LSP1: variants seen among roughly 807,000 people sequenced by gnomAD.
LSP1 encodes the protein lymphocyte-specific protein 1.
A neutral mutation model predicts 49.3 loss-of-function variants in LSP1; 32 were observed. That is an observed-to-expected ratio of 0.65 (90% CI 0.49 to 0.87). The LOEUF (loss-of-function observed/expected upper bound fraction) is 0.87. Ranked by LOEUF, LSP1 falls within the 40% of genes least tolerant of loss-of-function variation. LSP1 has a pLI of 0.00. For synonymous variants in LSP1, 179 were observed against 178.8 expected, an observed-to-expected ratio of 1.00 and a Z score of -0.01; for missense variants, 428 against 442.6, an observed-to-expected ratio of 0.97 and a Z score of 0.30.
intron 1 of LSP1, chr11:1,870,948 G>A: frequency 1.0e-6 from 1 of 985,948 alleles, no homozygotes; most frequent in Non-Finnish European, 1.2e-6. Flanking sequence ...AAAGGCGGGA[G>A]GCGCAGCCGG....
At chr11:1,882,217 C>T (rs1848575965) in intron 3 of LSP1, among the ~76,000 whole-genome samples, 1 of 152,202 alleles carries the variant, frequency 6.6e-6, no homozygotes, top group African/African-American at 2.4e-5. Flanking sequence ...CGCTCTCAGT[C>T]ATCTGTGGCC....
intron 1 of LSP1, among the ~76,000 whole-genome samples, chr11:1,873,948 C>CGGCGGAGGAGGGAGGCT (rs1565079328): frequency 3.8e-5 from 3 of 78,678 alleles, no homozygotes; most frequent in East Asian, 4.3e-4. Context: ...GGAGGGAGGC[C>CGGCGGAGGAGGGAGGCT]GGCAGAGCAG....
intron 10 of LSP1, chr11:1,891,464 C>G (rs1200018127): frequency 6.6e-6 from 1 of 152,254 alleles, no homozygotes; most frequent in Non-Finnish European, 1.5e-5. Flanking sequence ...GACGGGACTG[C>G]AGGAACCACG....
chr11:1,889,404 G>A (rs1162936174), intron 10 of LSP1: 2 of 690,004 alleles, frequency 2.9e-6, no homozygotes, highest in Non-Finnish European at 5.4e-6. Context: ...GGTCCGGGAG[G>A]CGGGGGCCCG....
At chr11:1,886,891 CT>C (rs768011945) in intron 8 of LSP1, 25 bp downstream of exon 8, 142 of 1,603,510 alleles carry the variant, frequency 8.9e-5, no homozygotes, top group Non-Finnish European at 1.2e-4. Context: ...AGGGGCAAGG[CT>C]GGGCTGCAGA....
chr11:1,870,307 G>A, intron 1 of LSP1: 1 of 1,297,170 alleles, frequency 7.7e-7, no homozygotes, highest in Non-Finnish European at 1.0e-6. Context: ...CTCCCATCCT[G>A]GGGCTTGGCA....
intron 1 of LSP1, among the ~76,000 whole-genome samples, chr11:1,862,178 A>AGATG (rs1026158079): frequency 6.6e-6 from 1 of 151,408 alleles, no homozygotes; most frequent in African/African-American, 2.4e-5. Flanking sequence ...ATGGACAGAG[A>AGATG]GATGGATGGA....
chr11:1,864,177 G>C, intron 1 of LSP1: 1 of 986,426 alleles, frequency 1.0e-6, no homozygotes, highest in African/African-American at 1.7e-5. Context: ...AGTGCGAGAC[G>C]GGGAAGGAGG....
rs569009595 is a variant in LSP1 at position 1,858,497 on chromosome 11, T to C, written c.53+5300T>C. ...GCCCAAATCCCAGCCCTCAGCATCT[T>C]TTTGGGGGCCACTAAAGACCTTCTG... On this transcript the variant is annotated intron_variant, in intron 1 of 10. Coordinates refer to ENST00000311604, the MANE Select transcript of LSP1 (RefSeq NM_002339.3). 8.0e-4 allele frequency among the ~76,000 whole-genome samples: 121 copies of C among 152,102 alleles called. 1 individual carries two copies. Among genetic ancestry groups the C allele is most frequent in the Admixed American group, 3.2e-3 (49 of 15,278 alleles).
At chr11:1,870,503 G>A in intron 1 of LSP1, 3 of 1,194,440 alleles carry the variant, frequency 2.5e-6, no homozygotes, top group Non-Finnish European at 3.2e-6. Flanking sequence ...GGGCACCCCA[G>A]AGCTCCACAG....
chr11:1,887,787 C>T (rs566885115), intron 10 of LSP1, among the ~76,000 whole-genome samples: 4 of 152,280 alleles, frequency 2.6e-5, no homozygotes, highest in East Asian at 3.9e-4. Flanking sequence ...GCTCATTTCA[C>T]TAGAGTCAGC....
In LSP1 at chr11:1,881,496, C is replaced by G; in HGVS notation, c.256C>G (p.Gln86Glu). Reference protein sequence around the residue: ...DEDEGFGDWSQRPEQRQQHEG... With the variant: ...DEDEGFGDWSERPEQRQQHEG... ...GGACGAGGGCTTTGGCGACTGGTCC[C>G]AGAGGCCAGAGCAGCGGCAGCAGCA... Residue 86 changes from glutamine to glutamate, a missense_variant, in exon 3 of 11, where the codon CAG becomes GAG. Physicochemically the swap from Gln to Glu is conservative, Grantham distance 29. Coordinates refer to ENST00000311604, the MANE Select transcript of LSP1 (RefSeq NM_002339.3). 1 of 1,575,592 alleles carries G rather than the reference C, an allele frequency of 6.3e-7. No individual in the cohort carries two copies. The highest frequency in any genetic ancestry group is 8.6e-7 in the Non-Finnish European group (1 of 1,159,898).
At chr11:1,853,817 G>A (rs187949362) in intron 1 of LSP1, among the ~76,000 whole-genome samples, 5 of 152,276 alleles carry the variant, frequency 3.3e-5, no homozygotes, top group African/African-American at 1.2e-4. Context: ...GGACATGAGG[G>A]GGCATGGCAG....
At position 1,888,841 on chromosome 11, in the gene LSP1, T is replaced by C. The variant is rs550482264; in HGVS notation, c.*13+1265T>C. On this transcript the variant is annotated intron_variant, in intron 10 of 10. Coordinates refer to ENST00000311604, the MANE Select transcript of LSP1 (RefSeq NM_002339.3). ...TCAGTAGATGCAGTCCTCTGCCATCTTACCTAAAGTTTTCATCCCAAGGCC... is the reference window on the plus strand; with the variant it reads ...TCAGTAGATGCAGTCCTCTGCCATCCTACCTAAAGTTTTCATCCCAAGGCC... 1.8e-5 allele frequency: 6 copies of C among 333,792 alleles called. No homozygotes were observed. The South Asian group carries it at 6.2e-4, about 35-fold the overall frequency. 20.7% of individuals were successfully genotyped at this position (333,792 alleles called of 1,614,324 possible). A position where few individuals can be genotyped will look rare whatever the true frequency, so the allele number is the denominator to read the frequency against.
intron 10 of LSP1, chr11:1,889,594 TG>T (rs1213887965): frequency 9.8e-6 from 6 of 612,104 alleles, no homozygotes; most frequent in Non-Finnish European, 3.0e-6. Context: ...GGTGCAACTT[TG>T]GGGACAGGGC....
intron 3 of LSP1, 66 bp downstream of exon 3, chr11:1,881,662 C>A (rs555688150): frequency 4.5e-5 from 64 of 1,433,084 alleles, no homozygotes; most frequent in South Asian, 1.2e-4. Flanking sequence ...CGAGGGCGGG[C>A]GCTGGGCAGA....
chr11:1,890,810 C>T (rs1165438222), intron 10 of LSP1: 10 of 580,084 alleles, frequency 1.7e-5, no homozygotes, highest in Non-Finnish European at 3.1e-5. Context: ...GAAATGAGGC[C>T]ACAGAGGCCG....
At chr11:1,877,666 C>T (rs1191358586) in intron 1 of LSP1, among the ~76,000 whole-genome samples, 3 of 152,226 alleles carry the variant, frequency 2.0e-5, no homozygotes, top group African/African-American at 7.2e-5. Flanking sequence ...TGTTCCCAAG[C>T]CTGTCTGCAC....
At chr11:1,859,880 G>A (rs1205260949) in intron 1 of LSP1, among the ~76,000 whole-genome samples, 1 of 152,076 alleles carries the variant, frequency 6.6e-6, no homozygotes, top group African/African-American at 2.4e-5. Flanking sequence ...ATCCACCAGG[G>A]ATCACTCGGG....
Sources: allele counts gnomAD v4.1 joint callset (sites outside exome capture counted in the v4.1 genomes callset), GRCh38; gene constraint gnomAD v4.1.1; transcripts MANE v1.5; gene names NCBI Gene and HGNC (gene_info 2026-07-23, HGNC 2026-07-21).